ZNF410: variants seen among roughly 807,000 people sequenced by gnomAD.
ZNF410 encodes zinc finger protein 410, also known as another partner for ARF 1.
Under a neutral mutation model 54.8 loss-of-function variants are expected in ZNF410, and 18 were observed. The ratio of observed to expected loss-of-function variants is 0.33; its 90% CI spans 0.23 to 0.49. The LOEUF (loss-of-function observed/expected upper bound fraction) is 0.49, where lower values mean the gene tolerates loss of function less well. ZNF410 is among the 20% of genes least tolerant of loss of function. The pLI, the probability that ZNF410 is intolerant of heterozygous loss-of-function variation, is 0.99. For missense variants in ZNF410, 405 were observed against 569.6 expected, an observed-to-expected ratio of 0.71 and a Z score of 2.94; for synonymous variants, 191 against 207.3, an observed-to-expected ratio of 0.92 and a Z score of 0.68.
At chr14:73,923,545 G>T (rs750019194) in intron 11 of ZNF410, 23 bp downstream of exon 11, 2 of 1,601,710 alleles carry the variant, frequency 1.2e-6, no homozygotes, top group African/African-American at 1.3e-5. Flanking sequence ...CTTGCCCTTT[G>T]TTTCTGTGAC....
intron 5 of ZNF410, among the ~76,000 whole-genome samples, chr14:73,901,654 G>A (rs770013965): frequency 2.6e-5 from 4 of 151,488 alleles, no homozygotes; most frequent in South Asian, 4.2e-4. Context: ...TTTTTTGGCC[G>A]GTGCAGTGGC....
chr14:73,914,630 T>C (rs1396180085), intron 8 of ZNF410: 1 of 145,700 alleles, frequency 6.9e-6, no homozygotes, highest in African/African-American at 2.5e-5. Flanking sequence ...AATTTCCTTT[T>C]TTTTTTTTTT....
intron 9 of ZNF410, among the ~76,000 whole-genome samples, 156 bp from the exon 10 acceptor site, chr14:73,921,910 T>G (rs1566665228): frequency 6.6e-6 from 1 of 152,248 alleles, no homozygotes; most frequent in Non-Finnish European, 1.5e-5. Context: ...TCTAGGTTTA[T>G]TCTTGTTTCT....
chr14:73,891,111 AT>A (rs2055223056), intron 1 of ZNF410, among the ~76,000 whole-genome samples: 2 of 151,842 alleles, frequency 1.3e-5, no homozygotes, highest in Non-Finnish European at 2.9e-5. Flanking sequence ...TTTAAATGTA[AT>A]TTTAAAAATT....
intron 8 of ZNF410, 121 bp from the exon 9 acceptor site, chr14:73,920,859 A>G (rs2140323011): frequency 7.8e-7 from 1 of 1,285,408 alleles, no homozygotes; most frequent in South Asian, 1.4e-5. Flanking sequence ...AAGGTGCGGA[A>G]TGGGAAAAGG....
chr14:73,926,380 C>CT (rs34301902), intron 11 of ZNF410, among the ~76,000 whole-genome samples: 49 of 151,204 alleles, frequency 3.2e-4, no homozygotes, highest in South Asian at 8.3e-4. Context: ...TATAATAGTC[C>CT]TTTTTTTTCA....
chr14:73,903,993 A>G lies in ZNF410; in HGVS notation c.614A>G (p.Gln205Arg). The change falls in exon 6 of 12, where the codon CAG becomes CGG. Residue 205 changes from glutamine (Q) to arginine (R), a missense_variant. Gln to Arg is a conservative substitution (Grantham distance 43). This residue lies in a region of ZNF410 where 247 missense variants were observed against 342.8 expected (regional missense o/e 0.72). Transcript: ENST00000555044. The stretch of plus-strand genomic sequence containing the variant: ...GTCCACCTTGGTTCTGGTGATGGGC[A>G]GTCAAAAGATTCTGGGCCCCTTCCT... ...ENVHLGSGDGQSKDSGPLPQV... is the reference protein window; with the variant it reads ...ENVHLGSGDGRSKDSGPLPQV... 1 of 1,614,228 alleles carries G rather than the reference A, an allele frequency of 6.2e-7. No individual in the cohort carries two copies. Among genetic ancestry groups the G allele is most frequent in the Non-Finnish European group, 8.5e-7 (1 of 1,180,036 alleles).
chr14:73,901,415 G>C (rs938477487), intron 5 of ZNF410, among the ~76,000 whole-genome samples: 5 of 150,806 alleles, frequency 3.3e-5, no homozygotes, highest in East Asian at 1.9e-4. Context: ...ACTCTTTTCT[G>C]AGGGATTTTT....
chr14:73,904,626 T>TA (rs954747270), intron 6 of ZNF410, among the ~76,000 whole-genome samples: 1 of 152,060 alleles, frequency 6.6e-6, no homozygotes, highest in Non-Finnish European at 1.5e-5. Flanking sequence ...CCTGGCTAAT[T>TA]AAAAAAACAT....
At chr14:73,926,940 G>A (rs2034105780) in intron 11 of ZNF410, among the ~76,000 whole-genome samples, 1 of 152,114 alleles carries the variant, frequency 6.6e-6, no homozygotes, top group Non-Finnish European at 1.5e-5. Flanking sequence ...TCATCAGGAG[G>A]CACATGACAA....
chr14:73,897,953 CAG>C (rs2055347465), intron 4 of ZNF410, 116 bp from the exon 5 acceptor site: 1 of 944,562 alleles, frequency 1.1e-6, no homozygotes. Flanking sequence ...GCCTGGGTGA[CAG>C]AGCGAGACGC....
chr14:73,892,604 T>C (rs1566650023), intron 2 of ZNF410, among the ~76,000 whole-genome samples: 1 of 152,096 alleles, frequency 6.6e-6, no homozygotes, highest in Non-Finnish European at 1.5e-5. Flanking sequence ...CTAAATGTGA[T>C]TGGGGATTTA....
At chr14:73,891,197 CACGGTATAGCT>C (rs1330068230) in intron 1 of ZNF410, among the ~76,000 whole-genome samples, 3 of 152,050 alleles carry the variant, frequency 2.0e-5, no homozygotes, top group African/African-American at 7.3e-5. Context: ...CAGCCTACCA[CACGGTATAGCT>C]ACGGTCATAG....
intron 11 of ZNF410, among the ~76,000 whole-genome samples, chr14:73,930,949 C>T (rs2055902849): frequency 6.6e-6 from 1 of 152,184 alleles, no homozygotes; most frequent in Admixed American, 6.5e-5. Context: ...TATTTCAAAA[C>T]TCCTTTGAAT....
At position 73,926,636 on chromosome 14, in the gene ZNF410, T is replaced by C. The variant is rs372088858; in HGVS notation, c.1398+3114T>C. On this transcript the variant is annotated intron_variant, in intron 11 of 11. Coordinates refer to ENST00000555044, the MANE Select transcript of ZNF410 (RefSeq NM_021188.3). ...TTTTAGTAGAGACGGGCTTTTACCA[T>C]GTTGGCCAGGCTGGTCCCAAACTCC... Among the ~76,000 whole-genome samples, 86 of 152,098 alleles carry C rather than the reference T, an allele frequency of 5.7e-4. No homozygotes were observed. The East Asian group carries it at 0.011, about 19-fold the overall frequency.
chr14:73,905,008 A>G lies in ZNF410; in HGVS notation c.838A>G (p.Met280Val). 1 of 1,614,186 alleles carries G rather than the reference A, an allele frequency of 6.2e-7. No homozygotes were observed. Among genetic ancestry groups the G allele is most frequent in the Non-Finnish European group, 8.5e-7 (1 of 1,180,040 alleles). ...MRTHNGEKPF[M>V]CHESGCGKQF... ...GACCCACAATGGAGAGAAGCCCTTT[A>G]TGTGCCATGAGTCTGGCTGTGGTAA... Residue 280 changes from methionine (M) to valine (V), a missense_variant, in exon 7 of 12, where the codon ATG (methionine) becomes GTG (valine). Around this residue, in one of 3 missense-constraint regions of ZNF410, gnomAD observed 247 missense variants for 342.8 expected, o/e 0.72. Transcript: ENST00000555044.
At chr14:73,890,210 A>G (rs2055206785) in intron 1 of ZNF410, among the ~76,000 whole-genome samples, 1 of 149,178 alleles carries the variant, frequency 6.7e-6, no homozygotes, top group African/African-American at 2.5e-5. Context: ...TTTTTTTGAG[A>G]TGGAGTCTTG....
rs1010229771 is a variant in ZNF410 at position 73,932,407 on chromosome 14, G to A, written c.*866G>A. On this transcript the variant is annotated 3_prime_UTR_variant, in exon 12 of 12. Transcript: ENST00000555044. ...AGTAAAACTGAACCGAGGAGTCTTAGGAAACAACAAGAACATCTTCATTTC... is the reference window on the plus strand; with the variant it reads ...AGTAAAACTGAACCGAGGAGTCTTAAGAAACAACAAGAACATCTTCATTTC... 2 of 449,694 alleles carry A rather than the reference G, an allele frequency of 4.4e-6. No individual in the cohort carries two copies. The highest frequency in any genetic ancestry group is 2.0e-5 in the African/African-American group (1 of 49,454). The allele number at this position is 449,694 out of a possible 1,614,324, so 27.9% of individuals were successfully genotyped here.
chr14:73,924,215 G>C (rs2055795532), intron 11 of ZNF410, among the ~76,000 whole-genome samples: 2 of 152,162 alleles, frequency 1.3e-5, no homozygotes, highest in Non-Finnish European at 2.9e-5. Context: ...ATTCTGATAA[G>C]GAGTGCGCAA....
Sources: allele counts gnomAD v4.1 joint callset (sites outside exome capture counted in the v4.1 genomes callset), GRCh38; gene constraint gnomAD v4.1.1; regional missense constraint gnomAD v4.1.1; transcripts MANE v1.5; gene names NCBI Gene and HGNC (gene_info 2026-07-23, HGNC 2026-07-21).